BLTP1: variants seen among roughly 807,000 people sequenced by gnomAD.
BLTP1 encodes the protein bridge-like lipid transfer protein family member 1, also known as fragile site-associated protein.
the BLTP1 span, chr4:122,344,714 G>GT: frequency 7.3e-6 from 9 of 1,227,512 alleles, no homozygotes; most frequent in Non-Finnish European, 9.7e-6. Context: ...CTACGGTACT[G>GT]TGTCAATCCA....
At chr4:122,310,569 A>C in the BLTP1 span, among the ~76,000 whole-genome samples, 6 of 152,216 alleles carry the variant, frequency 3.9e-5, no homozygotes, top group Non-Finnish European at 7.4e-5. Flanking sequence ...AAACTGGGGG[A>C]AACTAACCAA....
At chr4:122,274,470 T>C in the BLTP1 span, 79 of 1,574,844 alleles carry the variant, frequency 5.0e-5, no homozygotes, top group Non-Finnish European at 5.9e-5. Context: ...CTTACACTTA[T>C]AGTTTTAGAC....
chr4:122,192,490 G>T, the BLTP1 span: 1 of 736,568 alleles, frequency 1.4e-6, no homozygotes, highest in Non-Finnish European at 2.1e-6. Flanking sequence ...TATGGCAGAG[G>T]AAGATATCAC....
the BLTP1 span, chr4:122,266,720 T>C: frequency 7.1e-7 from 1 of 1,399,870 alleles, no homozygotes; most frequent in Non-Finnish European, 9.5e-7. Flanking sequence ...TTTTCCTACA[T>C]GTAATTTCTA....
chr4:122,276,585 T>TG, the BLTP1 span: 2 of 985,338 alleles, frequency 2.0e-6, no homozygotes, highest in African/African-American at 3.5e-5. Flanking sequence ...CATCTGGGTG[T>TG]GTTCTGGCTT....
chr4:122,198,624 A>G, the BLTP1 span, among the ~76,000 whole-genome samples: 1 of 152,276 alleles, frequency 6.6e-6, no homozygotes, highest in South Asian at 2.1e-4. Flanking sequence ...GGCAAGTACC[A>G]CAGCATACTT....
chr4:122,357,704 T>G, the BLTP1 span, among the ~76,000 whole-genome samples: 2 of 152,226 alleles, frequency 1.3e-5, no homozygotes, highest in Admixed American at 6.5e-5. Flanking sequence ...TATGGCCATT[T>G]ATTCATTCAA....
the BLTP1 span, among the ~76,000 whole-genome samples, chr4:122,316,122 G>T: frequency 6.6e-6 from 1 of 152,070 alleles, no homozygotes; most frequent in African/African-American, 2.4e-5. Context: ...AAAGCAAAGT[G>T]CATATACAAA....
the BLTP1 span, chr4:122,200,912 T>C: frequency 6.8e-7 from 1 of 1,479,178 alleles, no homozygotes; most frequent in Non-Finnish European, 9.0e-7. Context: ...GAAAATGTTT[T>C]AATTACTCAC....
chr4:122,185,405 G>A, the BLTP1 span: 1 of 985,276 alleles, frequency 1.0e-6, no homozygotes, highest in Non-Finnish European at 1.2e-6. Flanking sequence ...GGCTCTCTTT[G>A]GTTGACATGT....
chr4:122,202,558 T>C, the BLTP1 span: 24 of 969,360 alleles, frequency 2.5e-5, no homozygotes, highest in Non-Finnish European at 2.8e-5. Context: ...TGACTAGCCT[T>C]TTGCTTCTCA....
At chr4:122,231,192 A>G in the BLTP1 span, among the ~76,000 whole-genome samples, 1 of 152,192 alleles carries the variant, frequency 6.6e-6, no homozygotes, top group Admixed American at 6.5e-5. Context: ...AGTATGAATG[A>G]GTTGAAAATT....
the BLTP1 span, chr4:122,271,792 C>T: frequency 1.9e-6 from 2 of 1,038,854 alleles, no homozygotes; most frequent in Non-Finnish European, 2.8e-6. Flanking sequence ...AAGCAGAAGA[C>T]TGTTCATCAT....
the BLTP1 span, among the ~76,000 whole-genome samples, chr4:122,324,081 G>A: frequency 6.6e-6 from 1 of 151,896 alleles, no homozygotes; most frequent in Non-Finnish European, 1.5e-5. Flanking sequence ...CCCGAACTTA[G>A]CTTTCTCCCA....
At chr4:122,234,811 A>G in the BLTP1 span, 4 of 1,613,138 alleles carry the variant, frequency 2.5e-6, no homozygotes, top group Non-Finnish European at 3.4e-6. Context: ...CTGAAGAATA[A>G]GAGGTGTAGA....
At chr4:122,259,145 GA>G in the BLTP1 span, among the ~76,000 whole-genome samples, 1 of 152,174 alleles carries the variant, frequency 6.6e-6, no homozygotes, top group African/African-American at 2.4e-5. Flanking sequence ...CAGTTTTAAT[GA>G]GAAGCCTTTT....
the BLTP1 span, chr4:122,306,670 G>A: frequency 1.1e-6 from 1 of 947,250 alleles, no homozygotes; most frequent in Non-Finnish European, 1.3e-6. Context: ...CATTGAGTAA[G>A]AGAGAATAAG....
chr4:122,291,098 G>A, the BLTP1 span, among the ~76,000 whole-genome samples: 21 of 152,050 alleles, frequency 1.4e-4, no homozygotes, highest in African/African-American at 4.6e-4. Context: ...GGTCTATGAA[G>A]AATAAGATGG....
At chr4:122,305,107 G>T in the BLTP1 span, 1 of 1,276,366 alleles carries the variant, frequency 7.8e-7, no homozygotes, top group Admixed American at 3.5e-5. Context: ...TAAAGTTTCT[G>T]ATTATAAATT....
Sources: gnomAD v4.1 joint callset for allele counts (sites outside exome capture counted in the v4.1 genomes callset) on GRCh38, gnomAD v4.1.1 for gene constraint, MANE v1.5 for transcripts, NCBI Gene and HGNC (gene_info 2026-07-23, HGNC 2026-07-21) for gene names.